Variants in MAP2 observed in about 807,000 individuals in gnomAD.
The protein encoded by MAP2 is microtubule associated protein 2.
MAP2 carries 14 observed loss-of-function variants against 137.6 expected under a neutral mutation model. That is an observed-to-expected ratio of 0.10 (90% CI 0.07 to 0.16). The LOEUF (loss-of-function observed/expected upper bound fraction) is 0.16. Ranked by LOEUF, MAP2 falls within the 10% of genes least tolerant of loss-of-function variation. The pLI, the probability that MAP2 is intolerant of heterozygous loss-of-function variation, is 1.00. For synonymous variants in MAP2, 786 were observed against 782.3 expected (o/e 1.00, Z -0.08); for missense variants, 2,088 against 2,191.5 (o/e 0.95, Z 0.94).
intron 1 of MAP2, among the ~76,000 whole-genome samples, chr2:209,426,393 C>T (rs1199929886): frequency 6.6e-6 from 1 of 151,696 alleles, no homozygotes; most frequent in Non-Finnish European, 1.5e-5. Context: ...ATCAAATAAC[C>T]TGTTTCTTTA....
intron 1 of MAP2, among the ~76,000 whole-genome samples, chr2:209,429,257 C>A (rs371914141): frequency 6.6e-6 from 1 of 152,068 alleles, no homozygotes; most frequent in African/African-American, 2.4e-5. Context: ...CCGGCAATTA[C>A]TTTAAAGACA....
intron 1 of MAP2, among the ~76,000 whole-genome samples, chr2:209,463,299 G>A (rs971179871): frequency 6.6e-5 from 10 of 152,030 alleles, no homozygotes; most frequent in African/African-American, 1.2e-4. Context: ...TTTCTAATTT[G>A]TTTTATTTCA....
In MAP2 at chr2:209,678,605, C is replaced by T. The variant is rs1272415524; in HGVS notation, c.296C>T (p.Thr99Ile). Residue 99 changes from threonine (T) to isoleucine (I), a missense_variant, in exon 6 of 16, where the codon ACT (threonine) becomes ATT (isoleucine). Coordinates refer to ENST00000682079, the MANE Select transcript of MAP2 (RefSeq NM_001375505.1). The stretch of plus-strand genomic sequence containing the variant: ...TCTGCAAGGATAGTTCAAGTAGTCA[C>T]TGCTGAGGCTGTAGCAGTCCTGAAA... ...EVSARIVQVV[T>I]AEAVAVLKGE... 6.2e-7 allele frequency: 1 copy of T among 1,604,560 alleles called. No homozygotes were observed. Among genetic ancestry groups the T allele is most frequent in the African/African-American group, 1.3e-5 (1 of 74,340 alleles).
At chr2:209,460,258 A>C (rs1702444388) in intron 1 of MAP2, among the ~76,000 whole-genome samples, 1 of 152,236 alleles carries the variant, frequency 6.6e-6, no homozygotes, top group South Asian at 2.1e-4. Context: ...TGGCCATCGT[A>C]ATGTATGAAG....
chr2:209,582,422 T>C (rs1464913468), intron 3 of MAP2, among the ~76,000 whole-genome samples: 6 of 152,146 alleles, frequency 3.9e-5, no homozygotes, highest in Non-Finnish European at 8.8e-5. Context: ...TTTCATCAGC[T>C]GGGGGAAATA....
intron 2 of MAP2, among the ~76,000 whole-genome samples, chr2:209,517,461 T>G (rs1431621282): frequency 6.6e-6 from 1 of 152,136 alleles, no homozygotes; most frequent in Non-Finnish European, 1.5e-5. Context: ...AAAAAGTGTT[T>G]GAAACGTGAT....
chr2:209,636,849 A>G (rs2093614328), intron 4 of MAP2, among the ~76,000 whole-genome samples: 1 of 152,118 alleles, frequency 6.6e-6, no homozygotes, highest in African/African-American at 2.4e-5. Context: ...TGGAAATCAC[A>G]CAGAAAAACA....
chr2:209,456,329 C>A (rs1439782325), intron 1 of MAP2, among the ~76,000 whole-genome samples: 1 of 152,156 alleles, frequency 6.6e-6, no homozygotes, highest in Non-Finnish European at 1.5e-5. Context: ...CTGTTCTAAA[C>A]CTTCATTTTA....
intron 1 of MAP2, among the ~76,000 whole-genome samples, chr2:209,448,390 C>T (rs761628742): frequency 6.6e-6 from 1 of 152,126 alleles, no homozygotes; most frequent in Non-Finnish European, 1.5e-5. Flanking sequence ...TAATAATTAA[C>T]TGCTTCCCAA....
At chr2:209,503,767 G>GA (rs2060686416) in intron 1 of MAP2, among the ~76,000 whole-genome samples, 1 of 151,980 alleles carries the variant, frequency 6.6e-6, no homozygotes, top group Non-Finnish European at 1.5e-5. Context: ...CATAGAATTG[G>GA]AAAAAATACG....
At chr2:209,463,358 G>C (rs1488389919) in intron 1 of MAP2, among the ~76,000 whole-genome samples, 1 of 152,118 alleles carries the variant, frequency 6.6e-6, no homozygotes, top group Non-Finnish European at 1.5e-5. Context: ...CTTGTCTCAT[G>C]AAAGTGTTCC....
At position 209,700,666 on chromosome 2, in the gene MAP2, A is replaced by G. The variant is rs550226660; in HGVS notation, c.4584+328A>G. 2.6e-5 allele frequency among the ~76,000 whole-genome samples: 4 copies of G among 152,314 alleles called. No homozygotes were observed. The South Asian group carries it at 8.3e-4, about 32-fold the overall frequency. ...AATCAAATTAAACCATATAATCAAC[A>G]GTAACTGTATTTTATAATACACTTT... On this transcript the variant is annotated intron_variant, in intron 11 of 15. Transcript: ENST00000682079.
At chr2:209,632,713 A>G (rs1055450108) in intron 4 of MAP2, among the ~76,000 whole-genome samples, 6 of 152,264 alleles carry the variant, frequency 3.9e-5, no homozygotes, top group East Asian at 1.9e-4. Context: ...CTATCCATCA[A>G]GATATCCAAG....
At chr2:209,521,360 A>C (rs539578456) in intron 2 of MAP2, among the ~76,000 whole-genome samples, 3 of 152,040 alleles carry the variant, frequency 2.0e-5, no homozygotes, top group African/African-American at 7.2e-5. Flanking sequence ...AAATACATCA[A>C]TTGATGGTTT....
chr2:209,568,481 A>G (rs1174625239), intron 2 of MAP2, among the ~76,000 whole-genome samples: 3 of 151,928 alleles, frequency 2.0e-5, no homozygotes, highest in African/African-American at 7.2e-5. Flanking sequence ...CTAAATTTAA[A>G]TGGATTGGCA....
intron 2 of MAP2, among the ~76,000 whole-genome samples, chr2:209,514,902 A>G (rs546028323): frequency 1.1e-4 from 16 of 152,260 alleles, no homozygotes; most frequent in South Asian, 2.1e-4. Flanking sequence ...GTTTCAAATA[A>G]TTTTGCCAAT....
chr2:209,650,035 A>C (rs192822159), intron 4 of MAP2, among the ~76,000 whole-genome samples: 1 of 152,326 alleles, frequency 6.6e-6, no homozygotes, highest in East Asian at 1.9e-4. Flanking sequence ...CACTCTCTCT[A>C]TTTAAGTGTT....
At chr2:209,524,839 A>T (rs1273878938) in intron 2 of MAP2, among the ~76,000 whole-genome samples, 4 of 150,756 alleles carry the variant, frequency 2.7e-5, no homozygotes, top group Non-Finnish European at 4.4e-5. Flanking sequence ...GTTAATATCA[A>T]TTTTTTTTTC....
chr2:209,476,454 A>G (rs1482190696), intron 1 of MAP2, among the ~76,000 whole-genome samples: 2 of 151,660 alleles, frequency 1.3e-5, no homozygotes, highest in African/African-American at 2.4e-5. Flanking sequence ...TAATTTAGGA[A>G]ATACAATGCT....
Sources: gnomAD v4.1 joint callset for allele counts (sites outside exome capture counted in the v4.1 genomes callset) on GRCh38, gnomAD v4.1.1 for gene constraint, MANE v1.5 for transcripts, NCBI Gene and HGNC (gene_info 2026-07-23, HGNC 2026-07-21) for gene names.